DMXL1: variants seen among roughly 807,000 people sequenced by gnomAD.
The protein encoded by DMXL1 is Dmx like 1.
In DMXL1, 99 loss-of-function variants were observed where a neutral mutation model predicts 319.2. That is an observed-to-expected ratio of 0.31 (90% CI 0.26 to 0.37). DMXL1 has a LOEUF of 0.37. Ranked by LOEUF, DMXL1 falls within the 10% of genes least tolerant of loss-of-function variation. The pLI, the probability that DMXL1 is intolerant of heterozygous loss-of-function variation, is 1.00. For missense variants in DMXL1, 3,745 were observed against 3,595.6 expected (o/e 1.04, Z -1.06); for synonymous variants, 1,385 against 1,235.2 (o/e 1.12, Z -2.54).
At chr5:119,107,527 G>A (rs1186359116) in intron 4 of DMXL1, among the ~76,000 whole-genome samples, 1 of 151,892 alleles carries the variant, frequency 6.6e-6, no homozygotes, top group African/African-American at 2.4e-5. Flanking sequence ...ATAATATCCT[G>A]CTTTAATATC....
At chr5:119,216,801 TTAAAA>T in intron 34 of DMXL1, 95 bp from the exon 35 acceptor site, 1 of 697,380 alleles carries the variant, frequency 1.4e-6, no homozygotes, top group Non-Finnish European at 2.5e-6. Context: ...ATCTACTTTC[TTAAAA>T]TAATTTATGC....
intron 21 of DMXL1, among the ~76,000 whole-genome samples, chr5:119,165,970 G>A (rs1773356875): frequency 6.6e-6 from 1 of 152,132 alleles, no homozygotes; most frequent in Non-Finnish European, 1.5e-5. Flanking sequence ...GTGGAGTCTG[G>A]AACAGGCATT....
In DMXL1 at chr5:119,240,811, G is replaced by T. The variant is rs545487128; in HGVS notation, c.8704+340G>T. 1.4e-4 allele frequency among the ~76,000 whole-genome samples: 22 copies of T among 152,242 alleles called. 1 individual carries two copies. In the South Asian group the frequency reaches 4.4e-3, roughly 30 times the overall value. On this transcript the variant is annotated intron_variant, in intron 42 of 43. Coordinates refer to ENST00000539542, the MANE Select transcript of DMXL1 (RefSeq NM_001290321.3). Reference sequence around the variant, plus strand: ...CATTGCACTGGAATTCCTAGCTAATGCAGTAACACAATAATAGGAAATAAA... The same window carrying T: ...CATTGCACTGGAATTCCTAGCTAATTCAGTAACACAATAATAGGAAATAAA...
chr5:119,142,915 G>A (rs1178888633), intron 13 of DMXL1, among the ~76,000 whole-genome samples: 1 of 152,040 alleles, frequency 6.6e-6, no homozygotes, highest in Non-Finnish European at 1.5e-5. Flanking sequence ...CATTCATAAA[G>A]CAACTTCTTT....
At chr5:119,144,913 G>A (rs1453633395) in intron 15 of DMXL1, among the ~76,000 whole-genome samples, 4 of 151,494 alleles carry the variant, frequency 2.6e-5, no homozygotes, top group Non-Finnish European at 5.9e-5. Context: ...TGCATGGATG[G>A]GGTCCTACCC....
intron 6 of DMXL1, among the ~76,000 whole-genome samples, chr5:119,115,593 C>CAGTT (rs1473241550): frequency 6.6e-6 from 1 of 152,102 alleles, no homozygotes; most frequent in Non-Finnish European, 1.5e-5. Flanking sequence ...GGTGGGAACT[C>CAGTT]AGTTATAGCT....
chr5:119,184,574 C>A (rs1449713642), intron 28 of DMXL1, among the ~76,000 whole-genome samples: 1 of 152,186 alleles, frequency 6.6e-6, no homozygotes, highest in East Asian at 1.9e-4. Flanking sequence ...GTAAGTCTAT[C>A]ATGTGGTGAA....
At chr5:119,097,181 T>A (rs1475906542) in intron 1 of DMXL1, among the ~76,000 whole-genome samples, 1 of 152,140 alleles carries the variant, frequency 6.6e-6, no homozygotes, top group Non-Finnish European at 1.5e-5. Context: ...TGAGATGGGT[T>A]TATAGAAGGA....
chr5:119,123,195 C>G lies in DMXL1; in HGVS notation c.1102+2056C>G, dbSNP rs188122392. On this transcript the variant is annotated intron_variant, in intron 9 of 43. Transcript: ENST00000539542. ...GCGCGCGCCTGCAATCGCAGGCACTCGGCAGGCTGAGGCAGGAGAATCAGG... is the reference window on the plus strand; with the variant it reads ...GCGCGCGCCTGCAATCGCAGGCACTGGGCAGGCTGAGGCAGGAGAATCAGG... Among the ~76,000 whole-genome samples the G allele has an allele frequency of 8.5e-3, 1,289 of 151,866 alleles. 14 individuals carry two copies. Among genetic ancestry groups the G allele is most frequent in the African/African-American group, 0.029 (1,216 of 41,370 alleles).
At position 119,138,705 on chromosome 5, in the gene DMXL1, C is replaced by T. The variant is rs539876466; in HGVS notation, c.2376+4316C>T. Among the ~76,000 whole-genome samples the T allele has an allele frequency of 6.6e-5, 10 of 152,238 alleles. No homozygotes were observed. In the East Asian group the frequency reaches 1.9e-3, roughly 29 times the overall value. On this transcript the variant is annotated intron_variant, in intron 13 of 43. Transcript: ENST00000539542. ...TATAAAAATTAGCCAGATGTGGTGGCAGGAACCTGTAGTCTCAGCTACCTG... is the reference window on the plus strand; with the variant it reads ...TATAAAAATTAGCCAGATGTGGTGGTAGGAACCTGTAGTCTCAGCTACCTG...
chr5:119,238,964 C>T, intron 40 of DMXL1, 25 bp from the exon 41 acceptor site: 1 of 1,612,754 alleles, frequency 6.2e-7, no homozygotes, highest in Non-Finnish European at 8.5e-7. Flanking sequence ...AGAGGAGTAA[C>T]ACGTATTGTT....
At chr5:119,081,982 G>A (rs1402298157) in intron 1 of DMXL1, among the ~76,000 whole-genome samples, 2 of 120,646 alleles carry the variant, frequency 1.7e-5, no homozygotes, top group South Asian at 2.9e-4. Flanking sequence ...TTTCCCAGAG[G>A]AAGTTTTCTT....
At chr5:119,175,955 C>T (rs1173991060) in intron 26 of DMXL1, among the ~76,000 whole-genome samples, 1 of 152,006 alleles carries the variant, frequency 6.6e-6, no homozygotes, top group Non-Finnish European at 1.5e-5. Context: ...CATCTCTCTT[C>T]TATCTTTCCT....
At chr5:119,212,207 C>G (rs1782921572) in intron 34 of DMXL1, among the ~76,000 whole-genome samples, 1 of 152,190 alleles carries the variant, frequency 6.6e-6, no homozygotes, top group African/African-American at 2.4e-5. Context: ...AACAACAGCT[C>G]CCCATTCCTC....
intron 19 of DMXL1, among the ~76,000 whole-genome samples, chr5:119,159,773 T>C (rs952738324): frequency 6.6e-6 from 1 of 152,048 alleles, no homozygotes; most frequent in African/African-American, 2.4e-5. Flanking sequence ...ACAGGTTTGC[T>C]CCACCACACC....
rs138272412 is a variant in DMXL1 at position 119,201,390 on chromosome 5, A to G, written c.7746-1929A>G. On this transcript the variant is annotated intron_variant, in intron 32 of 43. Transcript: ENST00000539542. ...ACATTTGTTGATTTGCATATGTTGA[A>G]CCAAACTTGCATCCTGGGAATGAAG... Among the ~76,000 whole-genome samples, 438 of 152,160 alleles carry G rather than the reference A, an allele frequency of 2.9e-3. 1 individual carries two copies. Among genetic ancestry groups the G allele is most frequent in the Non-Finnish European group, 4.6e-3 (316 of 67,996 alleles).
chr5:119,187,903 A>G (rs973108904), intron 28 of DMXL1, among the ~76,000 whole-genome samples: 6 of 152,134 alleles, frequency 3.9e-5, no homozygotes, highest in Admixed American at 1.3e-4. Context: ...TGATCTGCCC[A>G]CCTCTGCCTC....
chr5:119,102,572 T>C (rs192806107), intron 3 of DMXL1, among the ~76,000 whole-genome samples: 3 of 152,222 alleles, frequency 2.0e-5, no homozygotes, highest in African/African-American at 7.2e-5. Flanking sequence ...TCCTCTCTAT[T>C]TGGGAGGCTG....
chr5:119,119,034 A>T, intron 8 of DMXL1, 30 bp downstream of exon 8: 1 of 1,518,666 alleles, frequency 6.6e-7, no homozygotes, highest in Non-Finnish European at 9.0e-7. Context: ...TACTTACTAC[A>T]AGTTTTAAAA....
Sources: allele counts gnomAD v4.1 joint callset (sites outside exome capture counted in the v4.1 genomes callset), GRCh38; gene constraint gnomAD v4.1.1; transcripts MANE v1.5; gene names NCBI Gene and HGNC (gene_info 2026-07-23, HGNC 2026-07-21).